Variants in CCZ1B observed in about 807,000 individuals in gnomAD.
CCZ1B encodes CCZ1B vacuolar protein trafficking and biogenesis associated.
CCZ1B carries 25 observed loss-of-function variants against 58.8 expected under a neutral mutation model. The ratio of observed to expected loss-of-function variants is 0.43; its 90% confidence interval spans 0.31 to 0.59. The LOEUF (loss-of-function observed/expected upper bound fraction) is 0.59, where lower values mean the gene tolerates loss of function less well. CCZ1B is among the 20% of genes least tolerant of loss of function. The pLI is 0.12. For missense variants in CCZ1B, 180 were observed against 501.5 expected (o/e 0.36, Z 6.12); for synonymous variants, 66 against 173.2 (o/e 0.38, Z 4.86).
intron 6 of CCZ1B, among the ~76,000 whole-genome samples, chr7:6,821,209 A>G (rs1353644680): frequency 1.3e-5 from 2 of 149,926 alleles, no homozygotes; most frequent in Admixed American, 1.3e-4. Context: ...ACGAGGTTTC[A>G]CCATGTTGGC....
rs56331874 is a variant in CCZ1B, at chr7:6,824,323, A to G, written c.312+132T>C. The G allele has an allele frequency of 2.2e-5, 31 of 1,400,848 alleles. 1 individual carries two copies. The East Asian group carries it at 7.2e-4, about 32-fold the overall frequency. The allele number at this position is 1,400,848 out of a possible 1,614,324, so 86.8% of individuals were successfully genotyped here. A position where few individuals can be genotyped will look rare whatever the true frequency, so the allele number is the denominator to read the frequency against. On this transcript the variant is annotated intron_variant, in intron 3 of 14. Coordinates refer to ENST00000316731, the MANE Select transcript of CCZ1B (RefSeq NM_198097.5). Reference sequence around the variant, plus strand: ...AAGCAAATAGGAAGAACTTGATTTTAAAATTGCAACCAATTTTATTTTAAT... The same window carrying G: ...AAGCAAATAGGAAGAACTTGATTTTGAAATTGCAACCAATTTTATTTTAAT...
chr7:6,801,742 A>AT (rs1264835806), intron 12 of CCZ1B: 2 of 51,496 alleles, frequency 3.9e-5, no homozygotes, highest in Non-Finnish European at 7.3e-5. Flanking sequence ...CGCCCAGCTA[A>AT]TTTTTGTATT....
At chr7:6,809,837 G>A (rs898616346) in intron 10 of CCZ1B, among the ~76,000 whole-genome samples, 3 of 144,700 alleles carry the variant, frequency 2.1e-5, no homozygotes, top group Admixed American at 7.0e-5. Flanking sequence ...CAGACCTGAA[G>A]AGCCTTATCA....
intron 7 of CCZ1B, among the ~76,000 whole-genome samples, chr7:6,816,204 G>A (rs1263735303): frequency 6.7e-6 from 1 of 148,490 alleles, no homozygotes. Context: ...AGGTGGTCGG[G>A]CGCGGAAGCT....
In CCZ1B at chr7:6,824,819, C is replaced by T. The variant is rs1001540212; in HGVS notation, c.121-82G>A. 5.5e-5 allele frequency: 80 copies of T among 1,445,416 alleles called. 1 individual carries two copies. The highest frequency in any genetic ancestry group is 7.0e-5 in the Non-Finnish European group (75 of 1,078,694). The allele number at this position is 1,445,416 out of a possible 1,614,324, so 89.5% of individuals were successfully genotyped here. A position where few individuals can be genotyped will look rare whatever the true frequency, so the allele number is the denominator to read the frequency against. On this transcript the variant is annotated intron_variant, in intron 1 of 14. Transcript: ENST00000316731. ...TGAAAACGCTAAGTTCAATGTCGAC[C>T]TCTTGTGTCACACATGCTAATGACA...
rs574956970 is a variant in CCZ1B, at chr7:6,810,965, G to A, written c.954+987C>T. On this transcript the variant is annotated intron_variant, in intron 10 of 14. Coordinates refer to ENST00000316731, the MANE Select transcript of CCZ1B (RefSeq NM_198097.5). ...CTGGAAGAAAGAAATGCCAGAATGA[G>A]CAGGGCCTCATTCTCAGGGGCAGAC... Among the ~76,000 whole-genome samples the A allele has an allele frequency of 8.0e-5, 12 of 150,848 alleles. 1 individual carries two copies. Among genetic ancestry groups the A allele is most frequent in the African/African-American group, 2.7e-4 (11 of 40,318 alleles).
chr7:6,809,580 A>C (rs201387286), intron 10 of CCZ1B, among the ~76,000 whole-genome samples: 23,214 of 120,692 alleles, frequency 0.19, 1,259 homozygotes, highest in South Asian at 0.39. Flanking sequence ...ACAAACGGAC[A>C]TTCTTCCTAC....
rs542316376 is a variant in CCZ1B at position 6,823,436 on chromosome 7, A to G, written c.391-76T>C. The G allele has an allele frequency of 7.6e-6, 12 of 1,586,212 alleles. 1 individual carries two copies. In the Admixed American group the frequency reaches 1.9e-4, roughly 25 times the overall value. The stretch of plus-strand genomic sequence containing the variant: ...TCTACTGGATAGATGGCAAAGGTAC[A>G]CTGACTCTTGGCCAAACAGTATAAT... On this transcript the variant is annotated intron_variant, in intron 4 of 14. Coordinates refer to ENST00000316731, the MANE Select transcript of CCZ1B (RefSeq NM_198097.5).
chr7:6,817,095 G>C (rs1383731149), intron 7 of CCZ1B, among the ~76,000 whole-genome samples: 2 of 152,298 alleles, frequency 1.3e-5, no homozygotes, highest in Non-Finnish European at 2.9e-5. Context: ...GGTTATTTTT[G>C]TTGCTACTTC....
chr7:6,816,544 T>C (rs960116284), intron 7 of CCZ1B, among the ~76,000 whole-genome samples: 1 of 150,844 alleles, frequency 6.6e-6, no homozygotes, highest in Admixed American at 6.6e-5. Flanking sequence ...TATACTCTGC[T>C]TGTGACAAAT....
intron 7 of CCZ1B, among the ~76,000 whole-genome samples, chr7:6,818,456 G>A (rs1783043713): frequency 6.7e-6 from 1 of 149,326 alleles, no homozygotes; most frequent in African/African-American, 2.5e-5. Flanking sequence ...GGCTGAGGCA[G>A]GAGAATCGCT....
chr7:6,815,384 A>T (rs1282246926), intron 7 of CCZ1B, among the ~76,000 whole-genome samples: 1 of 149,300 alleles, frequency 6.7e-6, no homozygotes, highest in African/African-American at 2.5e-5. Flanking sequence ...GCTGGTTTCG[A>T]ACTCCTGGAC....
chr7:6,814,524 A>G, intron 8 of CCZ1B: 2 of 382,278 alleles, frequency 5.2e-6, no homozygotes, highest in Non-Finnish European at 9.4e-6. Flanking sequence ...AACACACACA[A>G]AAAAACCAAC....
At position 6,819,127 on chromosome 7, in the gene CCZ1B, A is replaced by G. The variant is rs1340178169; in HGVS notation, c.698+639T>C. On this transcript the variant is annotated intron_variant, in intron 7 of 14. Coordinates refer to ENST00000316731, the MANE Select transcript of CCZ1B (RefSeq NM_198097.5). The stretch of plus-strand genomic sequence containing the variant: ...CAGTAAACCCCATCTCTATAAGAAA[A>G]AAAAAAAAAAAAAAAAAAAGGTATA... 2.7e-4 allele frequency among the ~76,000 whole-genome samples: 39 copies of G among 146,138 alleles called. 1 individual carries two copies. Among genetic ancestry groups the G allele is most frequent in the Middle Eastern group, 3.4e-3 (1 of 290 alleles).
chr7:6,812,901 T>C, intron 9 of CCZ1B, 75 bp downstream of exon 9: 1 of 1,544,714 alleles, frequency 6.5e-7, no homozygotes, highest in Non-Finnish European at 8.7e-7. Flanking sequence ...CTCTCCAGCC[T>C]GGGTAACAGA....
chr7:6,803,986 T>C (rs1049551056), intron 12 of CCZ1B, among the ~76,000 whole-genome samples: 3 of 147,160 alleles, frequency 2.0e-5, no homozygotes, highest in African/African-American at 5.0e-5. Context: ...GTATGAACAT[T>C]AAGACCATGA....
At chr7:6,814,700 T>C in intron 8 of CCZ1B, 64 bp downstream of exon 8, 1 of 1,419,520 alleles carries the variant, frequency 7.0e-7, no homozygotes, top group Non-Finnish European at 9.8e-7. Flanking sequence ...CACCACCATC[T>C]CACTCCACCT....
chr7:6,817,385 C>T (rs540921127), intron 7 of CCZ1B, among the ~76,000 whole-genome samples: 1 of 150,952 alleles, frequency 6.6e-6, no homozygotes, highest in Non-Finnish European at 1.5e-5. Context: ...GCACCCATGG[C>T]GGGGCTTGTG....
At chr7:6,820,301 C>T (rs964209536) in intron 6 of CCZ1B, among the ~76,000 whole-genome samples, 29 of 149,286 alleles carry the variant, frequency 1.9e-4, no homozygotes, top group Non-Finnish European at 5.9e-5. Context: ...GCCTCAGCCT[C>T]CTGAGCAGCT....
Sources: gnomAD v4.1 joint callset for allele counts (sites outside exome capture counted in the v4.1 genomes callset) on GRCh38, gnomAD v4.1.1 for gene constraint, MANE v1.5 for transcripts, NCBI Gene and HGNC (gene_info 2026-07-23, HGNC 2026-07-21) for gene names.